The following TRDN variants were observed in gnomAD, a reference collection of about 807,000 sequenced individuals.
The protein encoded by TRDN is triadin in skeletal muscle.
A neutral mutation model predicts 149.7 loss-of-function variants in TRDN; 161 were observed. That is an observed-to-expected ratio of 1.08 (90% CI 0.95 to 1.23). The LOEUF (loss-of-function observed/expected upper bound fraction) is 1.23. TRDN is among the 50% of genes most tolerant of loss of function. TRDN has a pLI of 0.00. For synonymous variants in TRDN, 294 were observed against 250.5 expected, an observed-to-expected ratio of 1.17 and a Z score of -1.64; for missense variants, 896 against 823.5, an observed-to-expected ratio of 1.09 and a Z score of -1.08.
intron 1 of TRDN, among the ~76,000 whole-genome samples, chr6:123,619,672 GA>G (rs1785279384): frequency 6.6e-6 from 1 of 152,100 alleles, no homozygotes; most frequent in African/African-American, 2.4e-5. Context: ...CATGAGATGG[GA>G]AATCTTGCTG....
chr6:123,586,734 G>C (rs1352840885), intron 1 of TRDN, among the ~76,000 whole-genome samples: 1 of 151,984 alleles, frequency 6.6e-6, no homozygotes, highest in Non-Finnish European at 1.5e-5. Context: ...AGAAGAAGGA[G>C]GAATGGAGGG....
chr6:123,344,624 C>T (rs1196426765), intron 21 of TRDN, among the ~76,000 whole-genome samples: 2 of 151,942 alleles, frequency 1.3e-5, no homozygotes, highest in Non-Finnish European at 2.9e-5. Flanking sequence ...ATTTTCCACA[C>T]TGAATAAAAA....
At chr6:123,614,300 C>CAAAAAAAAAAAAAAAAA (rs1199509406) in intron 1 of TRDN, among the ~76,000 whole-genome samples, 2 of 99,852 alleles carry the variant, frequency 2.0e-5, no homozygotes, top group Non-Finnish European at 3.9e-5. Flanking sequence ...AAAAAAAAAA[C>CAAAAAAAAAAAAAAAAA]AAAAAAAAAA....
chr6:123,430,530 C>T (rs184904715), intron 12 of TRDN, among the ~76,000 whole-genome samples: 7 of 151,868 alleles, frequency 4.6e-5, no homozygotes, highest in East Asian at 1.9e-4. Context: ...TGCAGTAAGC[C>T]GAGATCGCGC....
intron 7 of TRDN, 115 bp from the exon 8 acceptor site, chr6:123,504,016 C>G: frequency 8.5e-7 from 1 of 1,170,552 alleles, no homozygotes; most frequent in Non-Finnish European, 1.2e-6. Flanking sequence ...AGGTAAGTCA[C>G]AAGTGTTTAT....
intron 1 of TRDN, among the ~76,000 whole-genome samples, chr6:123,592,275 G>A (rs1336907291): frequency 1.3e-5 from 2 of 152,104 alleles, no homozygotes; most frequent in Non-Finnish European, 2.9e-5. Flanking sequence ...CCTTCACACT[G>A]CTTAACATTT....
intron 16 of TRDN, 33 bp downstream of exon 16, chr6:123,381,337 A>T: frequency 6.5e-7 from 1 of 1,542,712 alleles, no homozygotes; most frequent in Non-Finnish European, 8.8e-7. Context: ...GTAAAAAAAA[A>T]AGTACACAAA....
intron 5 of TRDN, among the ~76,000 whole-genome samples, chr6:123,525,821 G>A (rs948180473): frequency 1.3e-5 from 2 of 151,966 alleles, no homozygotes; most frequent in Non-Finnish European, 2.9e-5. Context: ...TTGACTCCAC[G>A]ATGCTGTTTA....
chr6:123,407,699 T>TA (rs1247873490), intron 12 of TRDN, among the ~76,000 whole-genome samples: 1 of 152,044 alleles, frequency 6.6e-6, no homozygotes, highest in African/African-American at 2.4e-5. Flanking sequence ...GTCCCTTGAA[T>TA]AAAAAATGTT....
intron 21 of TRDN, among the ~76,000 whole-genome samples, chr6:123,342,619 T>G (rs1390543125): frequency 6.6e-6 from 1 of 151,994 alleles, no homozygotes; most frequent in African/African-American, 2.4e-5. Context: ...TTTATAGATG[T>G]GATATCTGAA....
chr6:123,351,600 T>C (rs1325032324), intron 21 of TRDN: 1 of 969,370 alleles, frequency 1.0e-6, no homozygotes, highest in Non-Finnish European at 1.2e-6. Context: ...ATCTTTTTAC[T>C]TAACTGAATT....
At chr6:123,555,018 C>G (rs1025667603) in intron 2 of TRDN, among the ~76,000 whole-genome samples, 1 of 152,126 alleles carries the variant, frequency 6.6e-6, no homozygotes, top group Non-Finnish European at 1.5e-5. Context: ...TCTTCTGAGA[C>G]TTTGGGTCCT....
At chr6:123,594,460 A>G (rs907514017) in intron 1 of TRDN, among the ~76,000 whole-genome samples, 1 of 152,092 alleles carries the variant, frequency 6.6e-6, no homozygotes, top group Non-Finnish European at 1.5e-5. Context: ...TAGCTTTTAT[A>G]TAATTTAATT....
At chr6:123,399,269 A>ATTGAT (rs1772861426) in intron 12 of TRDN, among the ~76,000 whole-genome samples, 1 of 152,216 alleles carries the variant, frequency 6.6e-6, no homozygotes, top group Non-Finnish European at 1.5e-5. Flanking sequence ...GGGAAACATC[A>ATTGAT]ATCAGAATAA....
At chr6:123,527,981 A>T (rs1482115909) in intron 5 of TRDN, among the ~76,000 whole-genome samples, 1 of 151,930 alleles carries the variant, frequency 6.6e-6, no homozygotes, top group Admixed American at 6.6e-5. Flanking sequence ...ATAAGTATTC[A>T]TTGCCTGGTT....
intron 20 of TRDN, among the ~76,000 whole-genome samples, chr6:123,358,614 G>A (rs1433716900): frequency 6.7e-6 from 1 of 148,314 alleles, no homozygotes; most frequent in African/African-American, 2.5e-5. Context: ...ACAGGCACCC[G>A]CCACCATGCC....
At chr6:123,332,108 A>G (rs2114727545) in intron 22 of TRDN, among the ~76,000 whole-genome samples, 179 bp from the exon 23 acceptor site, 2 of 152,222 alleles carry the variant, frequency 1.3e-5, no homozygotes, top group Non-Finnish European at 2.9e-5. Context: ...AGAATACAAT[A>G]AGCCATAAAC....
chr6:123,556,166 A>G (rs1235733523), intron 2 of TRDN, among the ~76,000 whole-genome samples: 3 of 152,136 alleles, frequency 2.0e-5, no homozygotes, highest in African/African-American at 7.2e-5. Context: ...CCACATTTTC[A>G]TATATTTAAA....
chr6:123,222,109 C>T lies in TRDN; in HGVS notation c.2015-587G>A, dbSNP rs369541711. ...ACTATTTCTTTGAATCCCTTTCTTC[C>T]GATTAGAAGTTCTTAACTGGTATCC... On this transcript the variant is annotated intron_variant, in intron 39 of 40. Transcript: ENST00000334268. Among the ~76,000 whole-genome samples, 19 of 151,628 alleles carry T rather than the reference C, an allele frequency of 1.3e-4. No individual in the cohort carries two copies. The South Asian group carries it at 2.9e-3, about 23-fold the overall frequency.
Sources: gnomAD v4.1 joint callset for allele counts (sites outside exome capture counted in the v4.1 genomes callset) on GRCh38, gnomAD v4.1.1 for gene constraint, MANE v1.5 for transcripts, NCBI Gene and HGNC (gene_info 2026-07-23, HGNC 2026-07-21) for gene names.